FRYL: variants seen among roughly 807,000 people sequenced by gnomAD.
The protein encoded by FRYL is FRY like transcription coactivator.
FRYL carries 150 observed loss-of-function variants against 351.2 expected under a neutral mutation model. The ratio of observed to expected loss-of-function variants is 0.43; its 90% confidence interval spans 0.37 to 0.49. FRYL has a LOEUF of 0.49. Ranked by LOEUF, FRYL falls within the 20% of genes least tolerant of loss-of-function variation. The probability of loss-of-function intolerance (pLI) is 0.00; values close to 1 mark genes in which losing one functional copy is unlikely to be tolerated. For synonymous variants in FRYL, 1,153 were observed against 1,257.1 expected (o/e 0.92, Z 1.75); for missense variants, 3,036 against 3,619.3 (o/e 0.84, Z 4.13).
intron 3 of FRYL, among the ~76,000 whole-genome samples, chr4:48,661,722 G>T (rs899689273): frequency 6.6e-6 from 1 of 152,196 alleles, no homozygotes; most frequent in Admixed American, 6.5e-5. Flanking sequence ...TGTATTAAAT[G>T]TGTCAAGGAG....
chr4:48,527,140 TAATC>T (rs1726432795), intron 53 of FRYL, among the ~76,000 whole-genome samples: 1 of 152,308 alleles, frequency 6.6e-6, no homozygotes, highest in South Asian at 2.1e-4. Context: ...AAGTTGTCCT[TAATC>T]AATTCTCATA....
intron 3 of FRYL, among the ~76,000 whole-genome samples, chr4:48,663,683 G>C (rs1578611599): frequency 6.8e-6 from 1 of 146,026 alleles, no homozygotes; most frequent in East Asian, 2.0e-4. Flanking sequence ...GCTGAGGCAG[G>C]AGAATGGCGT....
intron 3 of FRYL, among the ~76,000 whole-genome samples, chr4:48,639,751 A>C (rs972950220): frequency 6.6e-6 from 1 of 152,158 alleles, no homozygotes; most frequent in African/African-American, 2.4e-5. Flanking sequence ...AAAAAATTGC[A>C]AAATACATAC....
chr4:48,609,861 A>G, intron 7 of FRYL, 38 bp from the exon 8 acceptor site: 1 of 1,179,812 alleles, frequency 8.5e-7, no homozygotes, highest in Non-Finnish European at 1.2e-6. Context: ...GAGTTAAATT[A>G]TTGGTTTTTT....
At chr4:48,676,070 G>A (rs1410409481) in intron 3 of FRYL, among the ~76,000 whole-genome samples, 8 of 152,054 alleles carry the variant, frequency 5.3e-5, no homozygotes, top group South Asian at 2.1e-4. Flanking sequence ...GATTGTAAAC[G>A]CACCAATCAA....
chr4:48,687,633 A>G (rs568963808), intron 2 of FRYL, among the ~76,000 whole-genome samples: 1 of 152,270 alleles, frequency 6.6e-6, no homozygotes, highest in African/African-American at 2.4e-5. Flanking sequence ...ATAATAACAG[A>G]AATGCCACAA....
At chr4:48,768,547 G>A (rs1446038605) in intron 1 of FRYL, among the ~76,000 whole-genome samples, 1 of 152,194 alleles carries the variant, frequency 6.6e-6, no homozygotes, top group Non-Finnish European at 1.5e-5. Flanking sequence ...GCTCACGCCT[G>A]TAATCCCAGC....
chr4:48,515,562 T>C (rs1287693754), intron 55 of FRYL, among the ~76,000 whole-genome samples: 2 of 151,906 alleles, frequency 1.3e-5, no homozygotes, highest in Non-Finnish European at 2.9e-5. Flanking sequence ...TTAGTAGAGA[T>C]GGGGTTTCAC....
intron 23 of FRYL, 80 bp from the exon 24 acceptor site, chr4:48,576,302 T>TTA: frequency 2.7e-6 from 3 of 1,121,666 alleles, no homozygotes; most frequent in Non-Finnish European, 3.6e-6. Flanking sequence ...AATGCTAAAT[T>TTA]TCTTTTTTTT....
chr4:48,555,677 C>T (rs991886376), intron 35 of FRYL, among the ~76,000 whole-genome samples: 2 of 152,174 alleles, frequency 1.3e-5, no homozygotes, highest in Non-Finnish European at 2.9e-5. Context: ...GAGCACCAGA[C>T]AGAATATAGG....
chr4:48,645,124 T>TATATATATATATATATATATATATA (rs1756133820), intron 3 of FRYL, among the ~76,000 whole-genome samples: 24 of 105,454 alleles, frequency 2.3e-4, no homozygotes, highest in Admixed American at 3.7e-4. Flanking sequence ...AGCTTTCATT[T>TATATATATATATATATATATATATA]TATATATATA....
chr4:48,743,474 A>C (rs1397531525), intron 1 of FRYL, among the ~76,000 whole-genome samples: 1 of 152,190 alleles, frequency 6.6e-6, no homozygotes, highest in Admixed American at 6.5e-5. Flanking sequence ...CTTACAGCCC[A>C]GAAATGTTTG....
chr4:48,529,570 T>C (rs1177319303), intron 50 of FRYL, among the ~76,000 whole-genome samples: 3 of 152,188 alleles, frequency 2.0e-5, no homozygotes, highest in Admixed American at 1.3e-4. Flanking sequence ...GTAACAAATA[T>C]GCTTTCTACA....
intron 46 of FRYL, 45 bp from the exon 47 acceptor site, chr4:48,540,113 A>G: frequency 7.0e-7 from 1 of 1,432,576 alleles, no homozygotes; most frequent in Non-Finnish European, 9.7e-7. Flanking sequence ...TTTATTGCAC[A>G]TTATTTTAAA....
rs564458977 is a variant in FRYL, at chr4:48,726,623, A to G, written c.-383-15925T>C. On this transcript the variant is annotated intron_variant, in intron 1 of 63. Coordinates refer to ENST00000358350, the MANE Select transcript of FRYL (RefSeq NM_015030.2). ...CTTGAACCCGGGAAGCAGAGGTTGCAGTGAGCCGAGATCATGCCACAGCAC... is the reference window on the plus strand; with the variant it reads ...CTTGAACCCGGGAAGCAGAGGTTGCGGTGAGCCGAGATCATGCCACAGCAC... Among the ~76,000 whole-genome samples the G allele has an allele frequency of 7.9e-5, 12 of 152,302 alleles. No homozygotes were observed. In the South Asian group the frequency reaches 2.5e-3, roughly 32 times the overall value.
At chr4:48,623,242 T>C (rs1283521544) in intron 4 of FRYL, 63 bp from the exon 5 acceptor site, 3 of 932,752 alleles carry the variant, frequency 3.2e-6, no homozygotes, top group Non-Finnish European at 4.8e-6. Flanking sequence ...ACATTAGAAA[T>C]CTTCTACATA....
intron 45 of FRYL, 62 bp from the exon 46 acceptor site, chr4:48,541,022 T>C: frequency 7.0e-7 from 1 of 1,421,778 alleles, no homozygotes; most frequent in Non-Finnish European, 9.3e-7. Context: ...AAATTAATTT[T>C]ACTTCTGAAA....
At chr4:48,715,352 A>G (rs1470883738) in intron 1 of FRYL, among the ~76,000 whole-genome samples, 1 of 152,210 alleles carries the variant, frequency 6.6e-6, no homozygotes, top group Non-Finnish European at 1.5e-5. Flanking sequence ...TGCAGATGAC[A>G]CGATTGTATA....
At chr4:48,683,804 C>A (rs1181176401) in intron 3 of FRYL, among the ~76,000 whole-genome samples, 1 of 152,132 alleles carries the variant, frequency 6.6e-6, no homozygotes, top group Non-Finnish European at 1.5e-5. Context: ...ACAGAAAAAA[C>A]AACTTGTTAG....
Sources: gnomAD v4.1 joint callset for allele counts (sites outside exome capture counted in the v4.1 genomes callset) on GRCh38, gnomAD v4.1.1 for gene constraint, MANE v1.5 for transcripts, NCBI Gene and HGNC (gene_info 2026-07-23, HGNC 2026-07-21) for gene names.